PCNX1: variants seen among roughly 807,000 people sequenced by gnomAD.
The protein encoded by PCNX1 is pecanex-like protein 1.
PCNX1 carries 78 observed loss-of-function variants against 242.2 expected under a neutral mutation model. That is an observed-to-expected ratio of 0.32 (90% CI 0.27 to 0.39). PCNX1 has a LOEUF of 0.39. Ranked by LOEUF, PCNX1 falls within the 10% of genes least tolerant of loss-of-function variation. The pLI is 1.00. For synonymous variants in PCNX1, 1,024 were observed against 1,032.9 expected (o/e 0.99, Z 0.17); for missense variants, 2,581 against 2,856.5 (o/e 0.90, Z 2.20).
intron 28 of PCNX1, among the ~76,000 whole-genome samples, chr14:71,080,246 G>A (rs201449162): frequency 3.3e-5 from 5 of 152,036 alleles, no homozygotes; most frequent in African/African-American, 7.2e-5. Context: ...CTGTTTTGGT[G>A]CCAGTACCAT....
intron 6 of PCNX1, among the ~76,000 whole-genome samples, chr14:70,985,508 C>T (rs960670497): frequency 2.6e-5 from 4 of 152,350 alleles, no homozygotes; most frequent in African/African-American, 9.6e-5. Flanking sequence ...GCCACTGCGC[C>T]AGGCCTGAAG....
At chr14:71,107,922 A>G (rs926197057) in intron 33 of PCNX1, among the ~76,000 whole-genome samples, 26 of 152,344 alleles carry the variant, frequency 1.7e-4, no homozygotes, top group Admixed American at 1.5e-3. Flanking sequence ...AAATTAAGCT[A>G]GTTAACCTAT....
Position 70,930,973 on chromosome 14 carries a change from TG to T in PCNX1, c.154-15936del, listed in dbSNP as rs530995936. 3.6e-4 allele frequency among the ~76,000 whole-genome samples: 55 copies of T among 152,248 alleles called. 2 individuals are homozygous for T. The East Asian group carries it at 0.01, about 28-fold the overall frequency. Reference sequence around the variant, plus strand: ...ATATCAGGGCCTTTTCTGAGTCCTTTGGGGGGCAGCTTATATATGGAAAACT... The same window carrying T: ...ATATCAGGGCCTTTTCTGAGTCCTTTGGGGGCAGCTTATATATGGAAAACT... On this transcript the variant is annotated intron_variant, in intron 1 of 35. Coordinates refer to ENST00000304743, the MANE Select transcript of PCNX1 (RefSeq NM_014982.3).
In PCNX1 at chr14:71,057,518, A is replaced by T; in HGVS notation, c.4646A>T (p.Asp1549Val). 1 of 1,605,714 alleles carries T rather than the reference A, an allele frequency of 6.2e-7. No individual in the cohort carries two copies. The highest frequency in any genetic ancestry group is 8.5e-7 in the Non-Finnish European group (1 of 1,172,358). The change falls in exon 26 of 36, where the codon GAC becomes GTC. Residue 1549 changes from aspartate to valine, a missense_variant. Physicochemically the swap from Asp to Val is radical, Grantham distance 152 (BLOSUM62 -3). Coordinates refer to ENST00000304743, the MANE Select transcript of PCNX1 (RefSeq NM_014982.3). ...AAATCTCTTTTTATAGGATCAGATG[A>T]CAACAATCTGAATTCCATCTTTTAT... ...SQLDRNPGSD[D>V]NNLNSIFYEH...
intron 11 of PCNX1, among the ~76,000 whole-genome samples, chr14:71,016,167 C>T (rs992857971): frequency 1.9e-4 from 29 of 152,296 alleles, no homozygotes; most frequent in African/African-American, 7.0e-4. Context: ...GATAAAGAAG[C>T]CCATTTCATA....
chr14:71,081,573 G>T (rs1241348969), intron 28 of PCNX1, among the ~76,000 whole-genome samples: 2 of 152,042 alleles, frequency 1.3e-5, no homozygotes, highest in East Asian at 3.8e-4. Flanking sequence ...TCAGGGATTC[G>T]ACTTCTTCTT....
At position 71,073,720 on chromosome 14, in the gene PCNX1, T is replaced by C. The variant is rs1257068784; in HGVS notation, c.5028T>C (p.Tyr1676=). The change falls in exon 27 of 36, where the codon TAT becomes TAC. Residue 1676 remains tyrosine (Y), a synonymous_variant. Transcript: ENST00000304743. ...TCACAAAGTACATTCTGGAGGGTTA[T>C]AGCATCACTGATAACAGTGCTGCTT... The part of the protein sequence containing the change: ...VIVTKYILEG[Y]SITDNSAASM... The C allele has an allele frequency of 3.1e-6, 5 of 1,613,952 alleles. No individual in the cohort carries two copies. The highest frequency in any genetic ancestry group is 1.1e-5 in the South Asian group (1 of 91,074).
chr14:71,007,856 A>C (rs951817708), intron 8 of PCNX1, among the ~76,000 whole-genome samples: 1 of 152,116 alleles, frequency 6.6e-6, no homozygotes, highest in Non-Finnish European at 1.5e-5. Flanking sequence ...TCAGTGATAC[A>C]TCTATGAAGT....
chr14:71,081,462 C>T (rs1002622502), intron 28 of PCNX1, among the ~76,000 whole-genome samples: 3 of 152,120 alleles, frequency 2.0e-5, no homozygotes, highest in African/African-American at 7.2e-5. Flanking sequence ...CTTCTTCGTA[C>T]CTCTGGTAGA....
intron 1 of PCNX1, among the ~76,000 whole-genome samples, chr14:70,917,445 G>A (rs909187148): frequency 6.6e-6 from 1 of 152,158 alleles, no homozygotes; most frequent in African/African-American, 2.4e-5. Flanking sequence ...GTGTTAGCAG[G>A]CATGAAAACA....
intron 27 of PCNX1, among the ~76,000 whole-genome samples, chr14:71,075,982 T>G (rs886986780): frequency 6.6e-6 from 1 of 152,022 alleles, no homozygotes; most frequent in African/African-American, 2.4e-5. Context: ...TGTTTTTTCA[T>G]CCAGTAAGGC....
chr14:71,049,978 G>T (rs954606089), intron 22 of PCNX1, among the ~76,000 whole-genome samples: 10 of 152,146 alleles, frequency 6.6e-5, no homozygotes, highest in Admixed American at 2.0e-4. Flanking sequence ...ACAGATGCCT[G>T]GTATACACAA....
Position 70,947,011 on chromosome 14 carries a change from G to A in PCNX1, c.250G>A (p.Ala84Thr), listed in dbSNP as rs753010731. The A allele has an allele frequency of 4.3e-6, 7 of 1,613,812 alleles. No individual in the cohort carries two copies. Among genetic ancestry groups the A allele is most frequent in the Middle Eastern group, 3.3e-4 (2 of 6,058 alleles). ...GATGGTCAACTATCGACTACACAGA[G>A]CACTTGATGCTGGAGAAGTTGTAGA... ...LKMVNYRLHR[A>T]LDAGEVVDRT... is the part of the protein sequence containing the mutation. The change falls in exon 2 of 36, where the codon GCA (alanine) becomes ACA (threonine). Residue 84 changes from alanine (A) to threonine (T), a missense_variant. Coordinates refer to ENST00000304743, the MANE Select transcript of PCNX1 (RefSeq NM_014982.3).
intron 27 of PCNX1, among the ~76,000 whole-genome samples, chr14:71,075,597 G>A (rs1007643822): frequency 5.3e-5 from 8 of 151,978 alleles, no homozygotes; most frequent in African/African-American, 9.7e-5. Context: ...TTCAAAATCT[G>A]TAAAATCCAT....
At chr14:70,978,736 G>A in intron 6 of PCNX1, 88 bp downstream of exon 6, 1 of 1,131,884 alleles carries the variant, frequency 8.8e-7, no homozygotes, top group Non-Finnish European at 1.2e-6. Flanking sequence ...ATATGCTTCT[G>A]TTAATATTCC....
intron 14 of PCNX1, among the ~76,000 whole-genome samples, 178 bp downstream of exon 14, chr14:71,026,466 A>C (rs1003882073): frequency 2.0e-5 from 3 of 152,194 alleles, no homozygotes; most frequent in Non-Finnish European, 2.9e-5. Context: ...AATGATGAAC[A>C]AATATTATAG....
Position 70,982,812 on chromosome 14 carries a change from C to T in PCNX1, c.2311+4164C>T, listed in dbSNP as rs551957397. On this transcript the variant is annotated intron_variant, in intron 6 of 35. Transcript: ENST00000304743. ...CAGCAGTGAAGTTCTGGGAATCCAACGGTTACATTTTCATACCACCTCTAA... is the reference window on the plus strand; with the variant it reads ...CAGCAGTGAAGTTCTGGGAATCCAATGGTTACATTTTCATACCACCTCTAA... Among the ~76,000 whole-genome samples, 16 of 152,226 alleles carry T rather than the reference C, an allele frequency of 1.1e-4. No homozygotes were observed. The East Asian group carries it at 1.5e-3, about 15-fold the overall frequency.
intron 16 of PCNX1, among the ~76,000 whole-genome samples, chr14:71,029,891 G>C (rs2060335562): frequency 6.6e-6 from 1 of 152,198 alleles, no homozygotes; most frequent in Non-Finnish European, 1.5e-5. Context: ...CACATTGTAT[G>C]ACTATATCAC....
rs747786489 is a variant in PCNX1, at chr14:71,105,216, C to T, written c.6096-19C>T. The T allele has an allele frequency of 5.7e-6, 9 of 1,587,310 alleles. No individual in the cohort carries two copies. In the South Asian group the frequency reaches 8.9e-5, roughly 16 times the overall value. ...AGTGATCTTGGAATAATGCTTCCTACTCTGGTATTTGTTCCTAGGCTTAGG... is the reference window on the plus strand; with the variant it reads ...AGTGATCTTGGAATAATGCTTCCTATTCTGGTATTTGTTCCTAGGCTTAGG... On this transcript the variant is annotated intron_variant, in intron 32 of 35. Coordinates refer to ENST00000304743, the MANE Select transcript of PCNX1 (RefSeq NM_014982.3).
Sources: gnomAD v4.1 joint callset for allele counts (sites outside exome capture counted in the v4.1 genomes callset) on GRCh38, gnomAD v4.1.1 for gene constraint, MANE v1.5 for transcripts, NCBI Gene and HGNC (gene_info 2026-07-23, HGNC 2026-07-21) for gene names.